PRKAR1B: variants seen among roughly 807,000 people sequenced by gnomAD.
PRKAR1B encodes cAMP-dependent protein kinase type I-beta regulatory subunit.
In PRKAR1B, 22 loss-of-function variants were observed where a neutral mutation model predicts 46.5. That is an observed-to-expected ratio of 0.47 (90% CI 0.34 to 0.68). PRKAR1B has a LOEUF of 0.68. PRKAR1B is among the 30% of genes least tolerant of loss of function. The probability of loss-of-function intolerance (pLI) is 0.01; values close to 1 mark genes in which losing one functional copy is unlikely to be tolerated. For synonymous variants in PRKAR1B, 259 were observed against 217.7 expected (o/e 1.19, Z -1.67); for missense variants, 445 against 535.6 (o/e 0.83, Z 1.67).
At chr7:648,891 C>T (rs925727603) in intron 4 of PRKAR1B, among the ~76,000 whole-genome samples, 3 of 151,938 alleles carry the variant, frequency 2.0e-5, no homozygotes, top group Non-Finnish European at 2.9e-5. Flanking sequence ...TGGCCAGGCA[C>T]GGTGGCTCAC....
At chr7:566,325 CTCA>C (rs1302894646) in intron 9 of PRKAR1B, among the ~76,000 whole-genome samples, 2 of 125,248 alleles carry the variant, frequency 1.6e-5, no homozygotes, top group African/African-American at 5.9e-5. Flanking sequence ...TATTCACCAA[CTCA>C]TCACCTTCAT....
chr7:550,656 C>A, intron 10 of PRKAR1B, 54 bp from the exon 11 acceptor site: 1 of 1,440,448 alleles, frequency 6.9e-7, no homozygotes, highest in Non-Finnish European at 9.2e-7. Flanking sequence ...GAGGCTGCAG[C>A]AGGGAAAGAT....
rs1780244266 is a variant in PRKAR1B, at chr7:705,001, C to A, written c.177+6328G>T. On this transcript the variant is annotated intron_variant, in intron 2 of 10. Transcript: ENST00000537384. ...AGTCATCAGGAAATGTAAAATAAAA[C>A]CACTTTAGGGCCGGGCGCAGTGGCT... Among the ~76,000 whole-genome samples the A allele has an allele frequency of 1.3e-5, 2 of 151,040 alleles. 1 individual carries two copies. The highest frequency in any genetic ancestry group is 3.0e-5 in the Non-Finnish European group (2 of 67,688).
At chr7:694,897 G>A (rs1022219933) in intron 2 of PRKAR1B, among the ~76,000 whole-genome samples, 2 of 151,906 alleles carry the variant, frequency 1.3e-5, no homozygotes, top group East Asian at 1.9e-4. Context: ...TTAGCCAGGC[G>A]TGGTGGTGGG....
Position 592,082 on chromosome 7 carries a change from C to G in PRKAR1B, c.708+4064G>C, listed in dbSNP as rs1398597945. On this transcript the variant is annotated intron_variant, in intron 7 of 10. Transcript: ENST00000537384. ...CCCACTTTTCCTCCCACCAGGGCCT[C>G]CGTGAGGTGGACTTGCCAGGCAGGT... Among the ~76,000 whole-genome samples the G allele has an allele frequency of 2.8e-4, 42 of 152,190 alleles. 1 individual carries two copies. The highest frequency in any genetic ancestry group is 2.7e-3 in the Admixed American group (42 of 15,284).
intron 8 of PRKAR1B, among the ~76,000 whole-genome samples, chr7:582,644 G>A (rs533981531): frequency 1.3e-5 from 2 of 152,356 alleles, no homozygotes; most frequent in East Asian, 3.9e-4. Context: ...TCCAGCCGGG[G>A]GGTCACCAGC....
Position 707,754 on chromosome 7 carries a change from G to A in PRKAR1B, c.177+3575C>T, listed in dbSNP as rs542440740. Among the ~76,000 whole-genome samples the A allele has an allele frequency of 5.9e-5, 9 of 152,310 alleles. No homozygotes were observed. In the East Asian group the frequency reaches 1.7e-3, roughly 29 times the overall value. ...TGAAGATGAAGGCAGGACCCGCGAT[G>A]CGTCTACCAGCCTGGACCACCCACA... is the stretch of plus-strand genomic sequence containing the variant. On this transcript the variant is annotated intron_variant, in intron 2 of 10. Transcript: ENST00000537384.
chr7:562,459 C>G (rs1778862432), intron 9 of PRKAR1B, among the ~76,000 whole-genome samples: 1 of 152,196 alleles, frequency 6.6e-6, no homozygotes, highest in Non-Finnish European at 1.5e-5. Context: ...CGACGGCAGA[C>G]ACCTCCCTCG....
intron 4 of PRKAR1B, among the ~76,000 whole-genome samples, chr7:639,850 C>T (rs777791595): frequency 6.6e-6 from 1 of 151,438 alleles, no homozygotes; most frequent in African/African-American, 2.4e-5. Flanking sequence ...GAGCAAGAAT[C>T]CATCCTTAAA....
intron 4 of PRKAR1B, among the ~76,000 whole-genome samples, chr7:656,575 GATGA>G (rs796701257): frequency 6.0e-5 from 9 of 149,728 alleles, no homozygotes; most frequent in African/African-American, 2.2e-4. Flanking sequence ...TGGATGGATG[GATGA>G]ATGAATGGAT....
chr7:568,857 T>C (rs1029487441), intron 9 of PRKAR1B, among the ~76,000 whole-genome samples: 3 of 152,064 alleles, frequency 2.0e-5, no homozygotes, highest in Admixed American at 6.5e-5. Context: ...CTGTCTCGTC[T>C]GGGAACGCCT....
chr7:680,349 T>C (rs1390547484), intron 3 of PRKAR1B, among the ~76,000 whole-genome samples: 4 of 151,954 alleles, frequency 2.6e-5, no homozygotes, highest in Non-Finnish European at 5.9e-5. Flanking sequence ...TCCCATAAAT[T>C]TGAGCTCAGC....
intron 4 of PRKAR1B, among the ~76,000 whole-genome samples, chr7:655,919 G>A (rs1785163435): frequency 6.6e-6 from 1 of 151,262 alleles, no homozygotes; most frequent in Non-Finnish European, 1.5e-5. Context: ...GAGACAGCAT[G>A]TGAGGCTGCT....
chr7:661,436 T>C (rs1394764081), intron 4 of PRKAR1B, among the ~76,000 whole-genome samples: 1 of 52,438 alleles, frequency 1.9e-5, no homozygotes. Context: ...CCCCAACGGG[T>C]CCAAATACCT....
intron 4 of PRKAR1B, among the ~76,000 whole-genome samples, chr7:628,329 G>A (rs1317032145): frequency 6.6e-5 from 10 of 152,272 alleles, no homozygotes; most frequent in Admixed American, 6.5e-4. Flanking sequence ...GTGGAGCCAA[G>A]GCGAAGGCGG....
chr7:679,858 T>C (rs562393123), intron 3 of PRKAR1B, among the ~76,000 whole-genome samples: 9 of 152,094 alleles, frequency 5.9e-5, no homozygotes, highest in African/African-American at 2.2e-4. Context: ...TTTGTGCCTG[T>C]ATAAGAAGAG....
intron 4 of PRKAR1B, among the ~76,000 whole-genome samples, chr7:675,419 C>A (rs1398354314): frequency 6.6e-6 from 1 of 152,156 alleles, no homozygotes; most frequent in African/African-American, 2.4e-5. Flanking sequence ...GAAAAAGACA[C>A]TTTCTCTTTG....
chr7:603,101 G>GGGT (rs1781737487), intron 6 of PRKAR1B: 1 of 152,282 alleles, frequency 6.6e-6, no homozygotes, highest in Non-Finnish European at 1.5e-5. Flanking sequence ...GAATTCCTGG[G>GGGT]GGTGGCCTCA....
intron 4 of PRKAR1B, among the ~76,000 whole-genome samples, chr7:612,864 G>C (rs535520991): frequency 1.3e-5 from 2 of 152,048 alleles, no homozygotes; most frequent in African/African-American, 4.8e-5. Context: ...AAAGATGTGT[G>C]TGTGTAATAA....
Sources: allele counts gnomAD v4.1 joint callset (sites outside exome capture counted in the v4.1 genomes callset), GRCh38; gene constraint gnomAD v4.1.1; transcripts MANE v1.5; gene names NCBI Gene and HGNC (gene_info 2026-07-23, HGNC 2026-07-21).